Variants in FANCD2OS observed in about 807,000 individuals in gnomAD.
FANCD2OS encodes FANCD2 opposite strand, also known as FANCD2 opposite strand protein.
Under a neutral mutation model 13.2 loss-of-function variants are expected in FANCD2OS, and 11 were observed. That is an observed-to-expected ratio of 0.83 (90% CI 0.52 to 1.38). FANCD2OS has a LOEUF of 1.38. Ranked by LOEUF, FANCD2OS falls within the 40% of genes most tolerant of loss-of-function variation. FANCD2OS has a pLI of 0.00. For missense variants in FANCD2OS, 217 were observed against 213.9 expected, an observed-to-expected ratio of 1.01 and a Z score of -0.09; for synonymous variants, 69 against 84.5, an observed-to-expected ratio of 0.82 and a Z score of 1.01.
At chr3:10,101,294 C>G (rs201330931), downstream of FANCD2OS, 365 of 1,461,584 alleles carry the variant, frequency 2.5e-4, no homozygotes, top group Non-Finnish European at 3.2e-4. Flanking sequence ...GCTTCTGTGT[C>G]TCTGCCAGCC....
At chr3:10,089,130 C>T (rs932773198) in intron 2 of FANCD2OS, among the ~76,000 whole-genome samples, 1 of 151,982 alleles carries the variant, frequency 6.6e-6, no homozygotes, top group Non-Finnish European at 1.5e-5. Flanking sequence ...ACTAAAAATA[C>T]AAAAATTAGC....
chr3:10,094,236 G>T, intron 2 of FANCD2OS: 1 of 1,352,614 alleles, frequency 7.4e-7, no homozygotes, highest in Non-Finnish European at 1.1e-6. Context: ...TGCCTCAGGG[G>T]CCTTTCAGTG....
At chr3:10,085,800 T>C (rs1174238827) in intron 2 of FANCD2OS, 3 of 1,586,696 alleles carry the variant, frequency 1.9e-6, no homozygotes, top group Non-Finnish European at 2.6e-6. Flanking sequence ...CCTCTTACCT[T>C]GACTTCCTTA....
intron 2 of FANCD2OS, among the ~76,000 whole-genome samples, chr3:10,091,280 C>G (rs539949942): frequency 6.6e-6 from 1 of 151,472 alleles, no homozygotes; most frequent in Non-Finnish European, 1.5e-5. Flanking sequence ...GGGGTTTTGT[C>G]GTGTTGCTCA....
chr3:10,088,311 G>A, intron 2 of FANCD2OS: 1 of 708,796 alleles, frequency 1.4e-6, no homozygotes, highest in East Asian at 2.7e-5. Flanking sequence ...CTTTTTGTAA[G>A]TTGCCTGTTA....
At chr3:10,090,192 G>A (rs778701257) in intron 2 of FANCD2OS, 1 of 796,004 alleles carries the variant, frequency 1.3e-6, no homozygotes, top group Non-Finnish European at 2.2e-6. Context: ...AGGACATTTA[G>A]AGAGGTAGGG....
At chr3:10,095,073 A>T (rs1373498151) in intron 2 of FANCD2OS, 4 of 769,816 alleles carry the variant, frequency 5.2e-6, no homozygotes, top group Non-Finnish European at 9.0e-6. Flanking sequence ...GCAAATTAAG[A>T]TGATTATCAG....
downstream of FANCD2OS, among the ~76,000 whole-genome samples, chr3:10,100,045 A>C (rs1474619756): frequency 6.6e-6 from 1 of 151,770 alleles, no homozygotes; most frequent in Non-Finnish European, 1.5e-5. Context: ...TGAGCTAGCC[A>C]GGCATGGTGA....
intron 2 of FANCD2OS, among the ~76,000 whole-genome samples, chr3:10,095,752 C>T (rs1402915227): frequency 6.6e-6 from 1 of 152,212 alleles, no homozygotes; most frequent in Non-Finnish European, 1.5e-5. Context: ...GGTATTGTCA[C>T]GTTTTGTCTG....
At chr3:10,104,885 T>C in intron 1 of FANCD2OS, 103 bp from the exon 2 acceptor site, 1 of 953,476 alleles carries the variant, frequency 1.0e-6, no homozygotes, top group Non-Finnish European at 1.5e-6. Flanking sequence ...ATAAACTTGT[T>C]CTATAGTTCC....
intron 1 of FANCD2OS, among the ~76,000 whole-genome samples, chr3:10,107,772 G>A (rs1695542670): frequency 6.6e-6 from 1 of 151,942 alleles, no homozygotes; most frequent in South Asian, 2.1e-4. Context: ...GAACCAACAT[G>A]GGACGAGAGC....
downstream of FANCD2OS, chr3:10,102,966 C>T (rs750290111): frequency 1.1e-4 from 31 of 276,848 alleles, no homozygotes; most frequent in African/African-American, 4.0e-4. Context: ...GTTACAAGAA[C>T]GCTACAAAGG....
Position 10,104,055 on chromosome 3 carries a change from T to C in FANCD2OS, c.*186A>G, listed in dbSNP as rs117247278. 180 of 593,548 alleles carry C rather than the reference T, an allele frequency of 3.0e-4. 2 individuals are homozygous for C. The highest frequency in any genetic ancestry group is 2.3e-3 in the African/African-American group (122 of 53,914). The allele number at this position is 593,548 out of a possible 1,614,324, so 36.8% of individuals were successfully genotyped here. On this transcript the variant is annotated 3_prime_UTR_variant, in exon 2 of 2. Coordinates refer to ENST00000450660, the MANE Select transcript of FANCD2OS (RefSeq NM_001164839.2). Reference sequence around the variant, plus strand: ...CTTACAATGGGAATGTTCTTCCTTGTTCTCTATCATTGGTCCTTTTTTGGA... The same window carrying C: ...CTTACAATGGGAATGTTCTTCCTTGCTCTCTATCATTGGTCCTTTTTTGGA...
chr3:10,101,406 G>C, downstream of FANCD2OS: 2 of 519,894 alleles, frequency 3.8e-6, no homozygotes, highest in East Asian at 3.4e-5. Context: ...TTTTTTTAAA[G>C]ACGGGGACTC....
chr3:10,088,664 AAATG>A, intron 2 of FANCD2OS: 3 of 1,087,996 alleles, frequency 2.8e-6, no homozygotes, highest in Non-Finnish European at 4.2e-6. Context: ...AGTAGGTTAA[AAATG>A]AACACAATTT....
intron 2 of FANCD2OS, among the ~76,000 whole-genome samples, chr3:10,097,353 G>GT (rs1361357399): frequency 1.3e-5 from 2 of 152,156 alleles, no homozygotes; most frequent in Admixed American, 1.3e-4. Context: ...GGAGACTGGA[G>GT]TTTATTTCAC....
downstream of FANCD2OS, among the ~76,000 whole-genome samples, chr3:10,102,550 C>T (rs1695345024): frequency 2.6e-5 from 4 of 151,928 alleles, no homozygotes; most frequent in African/African-American, 9.7e-5. Context: ...AAAAGCTGGG[C>T]GCGGTGGCTC....
Position 10,104,521 on chromosome 3 carries a change from T to C in FANCD2OS, c.254A>G (p.Lys85Arg). ...GGGCTGGGGCTTCCTGACCAGTCCT[T>C]TGTTGTTCATCGTGCGCAACTCTGA... ...HTSELRTMNN[K>R]GLVRKPQPIR... Residue 85 changes from lysine to arginine, a missense_variant, in exon 2 of 2, where the codon AAA (lysine) becomes AGA (arginine). Transcript: ENST00000450660. 6.2e-7 allele frequency: 1 copy of C among 1,614,194 alleles called. No individual in the cohort carries two copies. The highest frequency in any genetic ancestry group is 8.5e-7 in the Non-Finnish European group (1 of 1,180,036).
chr3:10,084,925 G>A (rs1273756962), intron 2 of FANCD2OS, among the ~76,000 whole-genome samples: 1 of 151,942 alleles, frequency 6.6e-6, no homozygotes, highest in Admixed American at 6.6e-5. Context: ...GATTGAAAAG[G>A]GATGCAAAAA....
Sources: allele counts gnomAD v4.1 joint callset (sites outside exome capture counted in the v4.1 genomes callset), GRCh38; gene constraint gnomAD v4.1.1; transcripts MANE v1.5; gene names NCBI Gene and HGNC (gene_info 2026-07-23, HGNC 2026-07-21).